JMY: variants seen among roughly 807,000 people sequenced by gnomAD.
The protein encoded by JMY is junction-mediating and -regulatory protein.
A neutral mutation model predicts 103.3 loss-of-function variants in JMY; 46 were observed. The observed-to-expected ratio is 0.45, with a 90% CI of 0.35 to 0.57. The LOEUF is 0.57. JMY is among the 20% of genes least tolerant of loss of function. The pLI is 0.00. For synonymous variants in JMY, 526 were observed against 489.3 expected (o/e 1.07, Z -0.99); for missense variants, 1,238 against 1,255.2 (o/e 0.99, Z 0.21).
rs1744479034 is a variant in JMY, at chr5:79,236,155, T to C, written c.-496T>C. The C allele has an allele frequency of 6.6e-6, 1 of 151,350 alleles. No individual in the cohort carries two copies. The highest frequency in any genetic ancestry group is 1.5e-5 in the Non-Finnish European group (1 of 67,938). 9.4% of individuals were successfully genotyped at this position (151,350 alleles called of 1,614,324 possible). On this transcript the variant is annotated 5_prime_UTR_variant, in exon 1 of 11. The change abolishes an upstream ATG in the 5' untranslated region. Coordinates refer to ENST00000396137, the MANE Select transcript of JMY (RefSeq NM_152405.5). ...CAGTCGAATGGCAACATTGTGGCGATGCTGAGGCGCAGAGTTTAGGAGACG... is the reference window on the plus strand; with the variant it reads ...CAGTCGAATGGCAACATTGTGGCGACGCTGAGGCGCAGAGTTTAGGAGACG...
rs1013805533 is a variant in JMY, at chr5:79,322,016, T to C, written c.*414T>C. 2.3e-4 allele frequency: 35 copies of C among 152,208 alleles called. No individual in the cohort carries two copies. The highest frequency in any genetic ancestry group is 8.4e-4 in the African/African-American group (35 of 41,448). The allele number at this position is 152,208 out of a possible 1,614,324, so 9.4% of individuals were successfully genotyped here. A position where few individuals can be genotyped will look rare whatever the true frequency, so the allele number is the denominator to read the frequency against. On this transcript the variant is annotated 3_prime_UTR_variant, in exon 11 of 11. Transcript: ENST00000396137. Reference sequence around the variant, plus strand: ...CATCTTTCAATGCACTGAAAAGTCATCTGAAAAAATAGCTTCTTCCATATC... The same window carrying C: ...CATCTTTCAATGCACTGAAAAGTCACCTGAAAAAATAGCTTCTTCCATATC...
chr5:79,326,527 TCTTTAA>T lies in JMY; in HGVS notation c.*4930_*4935del, dbSNP rs774954641. 1.4e-4 allele frequency: 20 copies of T among 145,178 alleles called. No homozygotes were observed. Among genetic ancestry groups the T allele is most frequent in the Non-Finnish European group, 2.2e-4 (15 of 67,952 alleles). 9.0% of individuals were successfully genotyped at this position (145,178 alleles called of 1,614,324 possible). A position where few individuals can be genotyped will look rare whatever the true frequency, so the allele number is the denominator to read the frequency against. On this transcript the variant is annotated 3_prime_UTR_variant, in exon 11 of 11. Transcript: ENST00000396137. ...GCTACCCATACAGTGACTTCTGAGT[TCTTTAA>T]CTTTGACAGAATCTCCATTGTTTCA... is the stretch of plus-strand genomic sequence containing the variant.
At chr5:79,245,262 A>G (rs1175282265) in intron 1 of JMY, among the ~76,000 whole-genome samples, 1 of 152,158 alleles carries the variant, frequency 6.6e-6, no homozygotes, top group African/African-American at 2.4e-5. Context: ...TATTCAACAA[A>G]TAGTAGTATA....
chr5:79,277,863 G>T lies in JMY; in HGVS notation c.1033-47G>T, dbSNP rs886181712. The T allele has an allele frequency of 1.9e-6, 3 of 1,558,990 alleles. No individual in the cohort carries two copies. In the Admixed American group the frequency reaches 5.2e-5, roughly 27 times the overall value. On this transcript the variant is annotated intron_variant, in intron 1 of 10. Coordinates refer to ENST00000396137, the MANE Select transcript of JMY (RefSeq NM_152405.5). ...GAGAGTTCAAAGCAAGTATTTATAG[G>T]TTATTAGAATTGATTTTCTTAGTTG... is the stretch of plus-strand genomic sequence containing the variant.
chr5:79,253,631 C>T (rs928029382), intron 1 of JMY, among the ~76,000 whole-genome samples: 1 of 152,182 alleles, frequency 6.6e-6, no homozygotes, highest in African/African-American at 2.4e-5. Flanking sequence ...GTAGCTTACA[C>T]ACCACAGTTA....
chr5:79,275,628 A>G (rs1209531897), intron 1 of JMY, among the ~76,000 whole-genome samples: 3 of 152,176 alleles, frequency 2.0e-5, no homozygotes, highest in Admixed American at 1.3e-4. Flanking sequence ...TAGTGCCTAC[A>G]GGCAGTTGTT....
intron 1 of JMY, among the ~76,000 whole-genome samples, chr5:79,271,191 A>ATT (rs60790162): frequency 5.0e-5 from 7 of 138,696 alleles, no homozygotes; most frequent in East Asian, 2.1e-4. Flanking sequence ...ACACCTGGCT[A>ATT]TTTTTTTTTT....
intron 7 of JMY, among the ~76,000 whole-genome samples, chr5:79,311,796 T>G (rs972756842): frequency 3.9e-5 from 6 of 152,156 alleles, no homozygotes; most frequent in Non-Finnish European, 7.4e-5. Context: ...CTGGTTATAT[T>G]GGTTGTTGAT....
chr5:79,270,837 G>C (rs942818647), intron 1 of JMY, among the ~76,000 whole-genome samples: 4 of 151,356 alleles, frequency 2.6e-5, no homozygotes, highest in Non-Finnish European at 4.4e-5. Context: ...ATCATGAATT[G>C]AGTGTTGGAT....
intron 2 of JMY, among the ~76,000 whole-genome samples, chr5:79,280,887 G>C (rs1395059808): frequency 6.9e-6 from 1 of 145,250 alleles, no homozygotes; most frequent in Non-Finnish European, 1.5e-5. Flanking sequence ...CTGGTTACTT[G>C]TTACTTCTAA....
intron 1 of JMY, among the ~76,000 whole-genome samples, chr5:79,240,767 G>A (rs1386283416): frequency 6.6e-6 from 1 of 152,214 alleles, no homozygotes; most frequent in Non-Finnish European, 1.5e-5. Context: ...GCATGATAAT[G>A]AAAGTGTATA....
intron 2 of JMY, 24 bp from the exon 3 acceptor site, chr5:79,290,097 A>C: frequency 1.3e-6 from 2 of 1,550,406 alleles, no homozygotes; most frequent in South Asian, 2.5e-5. Flanking sequence ...TGAACTTCTT[A>C]ATTTTTTCTT....
chr5:79,278,899 G>A (rs184813202), intron 2 of JMY, among the ~76,000 whole-genome samples: 71 of 152,058 alleles, frequency 4.7e-4, no homozygotes, highest in South Asian at 1.0e-3. Flanking sequence ...GAAGTTCTGG[G>A]ACTACAGGTG....
At chr5:79,292,582 A>G (rs1307775508) in intron 4 of JMY, among the ~76,000 whole-genome samples, 3 of 152,066 alleles carry the variant, frequency 2.0e-5, no homozygotes, top group Non-Finnish European at 2.9e-5. Context: ...CTGTCTCCCA[A>G]GGTGCTGGAG....
Position 79,314,240 on chromosome 5 carries a change from A to G in JMY, c.2065-17A>G. On this transcript the variant is annotated splice_polypyrimidine_tract_variant and intron_variant, in intron 8 of 10. Transcript: ENST00000396137. ...TCAATAACATTTAACCAGTTCCAAT[A>G]ACTTCTGGTATTTTAGAGGTATCCT... The G allele has an allele frequency of 6.3e-7, 1 of 1,582,262 alleles. No homozygotes were observed. The highest frequency in any genetic ancestry group is 8.6e-7 in the Non-Finnish European group (1 of 1,167,626).
chr5:79,270,260 T>G (rs1275478955), intron 1 of JMY, among the ~76,000 whole-genome samples: 1 of 149,014 alleles, frequency 6.7e-6, no homozygotes, highest in African/African-American at 2.4e-5. Flanking sequence ...TATAAATGCA[T>G]ATATAAAAAT....
At chr5:79,282,075 T>G (rs1746133119) in intron 2 of JMY, among the ~76,000 whole-genome samples, 2 of 151,960 alleles carry the variant, frequency 1.3e-5, no homozygotes, top group Non-Finnish European at 2.9e-5. Context: ...GGCATGGTGG[T>G]GGCCACCTGT....
At chr5:79,255,079 A>G (rs771740323) in intron 1 of JMY, among the ~76,000 whole-genome samples, 1 of 149,878 alleles carries the variant, frequency 6.7e-6, no homozygotes, top group Non-Finnish European at 1.5e-5. Flanking sequence ...TTTCCCCCCA[A>G]AAAAGCTACT....
chr5:79,240,955 C>T (rs1048808010), intron 1 of JMY, among the ~76,000 whole-genome samples: 2 of 152,176 alleles, frequency 1.3e-5, no homozygotes, highest in African/African-American at 4.8e-5. Flanking sequence ...TCTGATAAAT[C>T]AAATGCATTC....
Sources: gnomAD v4.1 joint callset for allele counts (sites outside exome capture counted in the v4.1 genomes callset) on GRCh38, gnomAD v4.1.1 for gene constraint, MANE v1.5 for transcripts, NCBI Gene and HGNC (gene_info 2026-07-23, HGNC 2026-07-21) for gene names.